HCN1: variants seen among roughly 807,000 people sequenced by gnomAD.
The protein encoded by HCN1 is potassium/sodium hyperpolarization-activated cyclic nucleotide-gated channel 1.
In HCN1, 13 loss-of-function variants were observed where a neutral mutation model predicts 78.9. That is an observed-to-expected ratio of 0.16 (90% CI 0.11 to 0.26). The LOEUF (loss-of-function observed/expected upper bound fraction) is 0.26. Ranked by LOEUF, HCN1 falls within the 10% of genes least tolerant of loss-of-function variation. HCN1 has a pLI of 1.00. For missense variants in HCN1, 810 were observed against 1,154.3 expected, an observed-to-expected ratio of 0.70 and a Z score of 4.32; for synonymous variants, 552 against 455.5, an observed-to-expected ratio of 1.21 and a Z score of -2.70.
intron 4 of HCN1, among the ~76,000 whole-genome samples, chr5:45,364,228 G>A (rs1040448193): frequency 3.3e-5 from 5 of 151,860 alleles, no homozygotes; most frequent in African/African-American, 1.2e-4. Flanking sequence ...TTCACCTTAC[G>A]TATTTTCCTT....
intron 6 of HCN1, among the ~76,000 whole-genome samples, chr5:45,290,868 A>G (rs1363938881): frequency 6.6e-6 from 1 of 152,028 alleles, no homozygotes; most frequent in Non-Finnish European, 1.5e-5. Context: ...TAAGGAAAAG[A>G]CTATAAATAA....
intron 2 of HCN1, among the ~76,000 whole-genome samples, chr5:45,465,326 C>G (rs1741245553): frequency 6.6e-6 from 1 of 152,050 alleles, no homozygotes; most frequent in South Asian, 2.1e-4. Flanking sequence ...GAAACCTAAC[C>G]TCAGGTTAGG....
intron 4 of HCN1, among the ~76,000 whole-genome samples, chr5:45,360,118 C>T (rs1350454753): frequency 6.6e-6 from 1 of 150,976 alleles, no homozygotes; most frequent in East Asian, 1.9e-4. Flanking sequence ...CATTAAAAAG[C>T]AAACAGGTTA....
In HCN1 at chr5:45,618,795, T is replaced by A. The variant is rs143034766; in HGVS notation, c.849+26390A>T. On this transcript the variant is annotated intron_variant, in intron 2 of 7. Transcript: ENST00000303230. ...AGAGAGTCTAACTTAAATGGCTAGA[T>A]GAATGGTGCTGCAGTTGAGACTGAT... Among the ~76,000 whole-genome samples, 183 of 152,000 alleles carry A rather than the reference T, an allele frequency of 1.2e-3. 1 individual carries two copies. Among genetic ancestry groups the A allele is most frequent in the African/African-American group, 4.2e-3 (176 of 41,502 alleles).
intron 6 of HCN1, among the ~76,000 whole-genome samples, chr5:45,295,894 T>A (rs938300463): frequency 6.6e-6 from 1 of 152,058 alleles, no homozygotes; most frequent in Non-Finnish European, 1.5e-5. Context: ...AGGCAGGGAT[T>A]GTATAATATG....
chr5:45,571,974 T>G (rs1488365170), intron 2 of HCN1, among the ~76,000 whole-genome samples: 1 of 152,140 alleles, frequency 6.6e-6, no homozygotes, highest in Admixed American at 6.6e-5. Context: ...TGATATTTTG[T>G]TTATAAATGC....
At chr5:45,317,569 C>G (rs1055634089) in intron 5 of HCN1, among the ~76,000 whole-genome samples, 3 of 152,126 alleles carry the variant, frequency 2.0e-5, no homozygotes, top group African/African-American at 4.8e-5. Context: ...CAAATGGGAT[C>G]TAATTAAACT....
At chr5:45,291,372 G>A (rs549712607) in intron 6 of HCN1, among the ~76,000 whole-genome samples, 8 of 151,756 alleles carry the variant, frequency 5.3e-5, no homozygotes, top group African/African-American at 1.5e-4. Context: ...ACACCACACC[G>A]AGCTCATCTT....
chr5:45,692,571 C>A (rs1183253158), intron 1 of HCN1, among the ~76,000 whole-genome samples: 1 of 152,166 alleles, frequency 6.6e-6, no homozygotes, highest in East Asian at 1.9e-4. Context: ...TATTGGACTG[C>A]TTTTTACTCT....
chr5:45,488,788 C>G (rs892509239), intron 2 of HCN1, among the ~76,000 whole-genome samples: 9 of 152,106 alleles, frequency 5.9e-5, no homozygotes, highest in Non-Finnish European at 1.0e-4. Flanking sequence ...TTCCTCCAGC[C>G]ATTCCTATTC....
intron 5 of HCN1, 67 bp from the exon 6 acceptor site, chr5:45,303,906 G>A (rs1745676059): frequency 7.2e-7 from 1 of 1,397,910 alleles, no homozygotes; most frequent in African/African-American, 1.4e-5. Flanking sequence ...AAAACATGCT[G>A]AAATTTAAAA....
intron 2 of HCN1, among the ~76,000 whole-genome samples, chr5:45,625,693 A>G (rs182510629): frequency 5.9e-5 from 9 of 152,282 alleles, no homozygotes; most frequent in Admixed American, 5.9e-4. Flanking sequence ...ATAGAACAGT[A>G]ATGTGTTAAT....
intron 5 of HCN1, among the ~76,000 whole-genome samples, chr5:45,337,340 G>A (rs1422331307): frequency 1.3e-5 from 2 of 152,048 alleles, no homozygotes; most frequent in Non-Finnish European, 2.9e-5. Flanking sequence ...ATGCCAGCAT[G>A]CTTTTGTAAT....
At chr5:45,323,152 T>C (rs1746156574) in intron 5 of HCN1, among the ~76,000 whole-genome samples, 2 of 151,852 alleles carry the variant, frequency 1.3e-5, no homozygotes, top group Admixed American at 6.6e-5. Flanking sequence ...TACATACAGG[T>C]TAAGCATTTC....
chr5:45,647,813 A>T (rs2112035932), intron 1 of HCN1, among the ~76,000 whole-genome samples: 1 of 152,218 alleles, frequency 6.6e-6, no homozygotes, highest in Non-Finnish European at 1.5e-5. Flanking sequence ...GAGCCATCCT[A>T]AATAACTCCT....
At chr5:45,601,959 T>A (rs564449660) in intron 2 of HCN1, among the ~76,000 whole-genome samples, 1 of 152,052 alleles carries the variant, frequency 6.6e-6, no homozygotes, top group Non-Finnish European at 1.5e-5. Flanking sequence ...AATTGAATCA[T>A]GGGGGTGGTT....
rs537383102 is a variant in HCN1, at chr5:45,308,964, C to A, written c.1378-5125G>T. ...CTATAAATTGCTTTGGGCAGTATGG[C>A]CATTTTAACAATATTGATTCTTCTT... On this transcript the variant is annotated intron_variant, in intron 5 of 7. Coordinates refer to ENST00000303230, the MANE Select transcript of HCN1 (RefSeq NM_021072.4). 4.0e-4 allele frequency among the ~76,000 whole-genome samples: 61 copies of A among 152,140 alleles called. No individual in the cohort carries two copies. The South Asian group carries it at 0.011, about 27-fold the overall frequency.
chr5:45,468,764 G>A (rs1741331699), intron 2 of HCN1, among the ~76,000 whole-genome samples: 1 of 151,974 alleles, frequency 6.6e-6, no homozygotes, highest in African/African-American at 2.4e-5. Context: ...ATTTTTGGTA[G>A]GAAACAATGA....
intron 3 of HCN1, among the ~76,000 whole-genome samples, chr5:45,440,351 G>A (rs1442420107): frequency 1.3e-5 from 2 of 152,072 alleles, no homozygotes; most frequent in Non-Finnish European, 2.9e-5. Context: ...TTGACTGACA[G>A]AATGAAAGAG....
Sources: gnomAD v4.1 joint callset for allele counts (sites outside exome capture counted in the v4.1 genomes callset) on GRCh38, gnomAD v4.1.1 for gene constraint, MANE v1.5 for transcripts, NCBI Gene and HGNC (gene_info 2026-07-23, HGNC 2026-07-21) for gene names.